PTPRT: variants seen among roughly 807,000 people sequenced by gnomAD.
PTPRT encodes the protein receptor-type tyrosine-protein phosphatase T.
Under a neutral mutation model 176.8 loss-of-function variants are expected in PTPRT, and 56 were observed. The observed-to-expected ratio is 0.32, with a 90% CI of 0.26 to 0.40. The LOEUF (loss-of-function observed/expected upper bound fraction) is 0.40. Among genes scored for constraint, PTPRT ranks in the 10% least tolerant of loss-of-function variants. The pLI, the probability that PTPRT is intolerant of heterozygous loss-of-function variation, is 1.00. For missense variants in PTPRT, 1,540 were observed against 1,908.2 expected (o/e 0.81, Z 3.60); for synonymous variants, 783 against 739.0 (o/e 1.06, Z -0.96).
intron 1 of PTPRT, among the ~76,000 whole-genome samples, chr20:42,999,769 G>A (rs984142416): frequency 6.6e-6 from 1 of 151,738 alleles, no homozygotes; most frequent in African/African-American, 2.4e-5. Flanking sequence ...ATTGAGCCAC[G>A]GCACTCCAAT....
intron 7 of PTPRT, among the ~76,000 whole-genome samples, chr20:42,573,745 C>CTTTTTTTTTTTTTTT (rs201228742): frequency 7.8e-5 from 9 of 115,458 alleles, no homozygotes; most frequent in African/African-American, 1.4e-4. Context: ...CCCTTTCTTT[C>CTTTTTTTTTTTTTTT]TTTCTTTTTT....
intron 9 of PTPRT, among the ~76,000 whole-genome samples, chr20:42,401,195 C>T (rs916563445): frequency 1.3e-5 from 2 of 151,856 alleles, no homozygotes; most frequent in African/African-American, 2.4e-5. Flanking sequence ...AAGTCTCTAT[C>T]GGGATGGACA....
At chr20:42,690,806 A>G (rs1207925863) in intron 6 of PTPRT, among the ~76,000 whole-genome samples, 1 of 152,228 alleles carries the variant, frequency 6.6e-6, no homozygotes, top group African/African-American at 2.4e-5. Flanking sequence ...TAAGCAAGTG[A>G]TATAACTCCC....
At chr20:42,357,032 T>C (rs1225827125) in intron 9 of PTPRT, among the ~76,000 whole-genome samples, 1 of 152,204 alleles carries the variant, frequency 6.6e-6, no homozygotes, top group East Asian at 1.9e-4. Flanking sequence ...CCCAGGTTCT[T>C]ATTTTACGTT....
chr20:43,187,646 T>C (rs1252414550), intron 1 of PTPRT, among the ~76,000 whole-genome samples: 1 of 152,168 alleles, frequency 6.6e-6, no homozygotes, highest in Non-Finnish European at 1.5e-5. Context: ...GGCACCCACT[T>C]GCTAAATATA....
At chr20:43,104,817 T>A (rs539303703) in intron 1 of PTPRT, among the ~76,000 whole-genome samples, 1 of 152,316 alleles carries the variant, frequency 6.6e-6, no homozygotes, top group East Asian at 1.9e-4. Context: ...CAACATAACA[T>A]CTACCTTGCA....
intron 1 of PTPRT, among the ~76,000 whole-genome samples, chr20:43,012,129 C>A (rs201704583): frequency 6.6e-6 from 1 of 152,152 alleles, no homozygotes; most frequent in Non-Finnish European, 1.5e-5. Flanking sequence ...CACCTTGTGA[C>A]CATGTGAGTC....
chr20:43,124,684 G>T (rs1047928086), intron 1 of PTPRT, among the ~76,000 whole-genome samples: 16 of 152,194 alleles, frequency 1.1e-4, no homozygotes, highest in East Asian at 3.8e-4. Flanking sequence ...GCTACTGAGT[G>T]CCTACTATGT....
chr20:42,109,208 G>A (rs550532931), intron 23 of PTPRT, among the ~76,000 whole-genome samples: 1 of 152,154 alleles, frequency 6.6e-6, no homozygotes, highest in Non-Finnish European at 1.5e-5. Flanking sequence ...CACAGCTTAT[G>A]GAGTCTTCCA....
intron 1 of PTPRT, among the ~76,000 whole-genome samples, chr20:43,099,283 G>T (rs2012295524): frequency 6.6e-6 from 1 of 152,160 alleles, no homozygotes; most frequent in African/African-American, 2.4e-5. Flanking sequence ...TCCACCATCT[G>T]CTTTGAATGT....
chr20:42,228,936 G>C (rs2056077141), intron 15 of PTPRT, among the ~76,000 whole-genome samples: 1 of 152,190 alleles, frequency 6.6e-6, no homozygotes, highest in Non-Finnish European at 1.5e-5. Context: ...AAAGATAAAT[G>C]CAACGACAAA....
At chr20:43,124,369 C>G (rs545598290) in intron 1 of PTPRT, among the ~76,000 whole-genome samples, 1 of 152,248 alleles carries the variant, frequency 6.6e-6, no homozygotes, top group Non-Finnish European at 1.5e-5. Flanking sequence ...AGACCCCAGT[C>G]AACTATAAAT....
chr20:42,411,219 C>A (rs1322641207), intron 9 of PTPRT, among the ~76,000 whole-genome samples: 1 of 151,932 alleles, frequency 6.6e-6, no homozygotes, highest in African/African-American at 2.4e-5. Context: ...CCGAGGCGGG[C>A]AGATCACTTG....
At chr20:42,485,838 A>C (rs2071455931) in intron 7 of PTPRT, among the ~76,000 whole-genome samples, 1 of 152,210 alleles carries the variant, frequency 6.6e-6, no homozygotes, top group South Asian at 2.1e-4. Flanking sequence ...TGAAATGTAC[A>C]AGAGTGTCAT....
intron 17 of PTPRT, among the ~76,000 whole-genome samples, chr20:42,155,381 C>T (rs370774665): frequency 5.3e-5 from 8 of 152,294 alleles, no homozygotes; most frequent in South Asian, 2.1e-4. Context: ...ACCATGGAAG[C>T]GGCAGCCCCA....
intron 2 of PTPRT, among the ~76,000 whole-genome samples, chr20:42,811,458 GA>G (rs1243391916): frequency 1.3e-5 from 2 of 152,036 alleles, no homozygotes; most frequent in Non-Finnish European, 2.9e-5. Flanking sequence ...AAAATTGAAA[GA>G]AAACTAGCCT....
intron 9 of PTPRT, among the ~76,000 whole-genome samples, chr20:42,387,735 C>T (rs180822493): frequency 4.6e-5 from 7 of 151,538 alleles, no homozygotes; most frequent in African/African-American, 1.7e-4. Context: ...GTTGTCACAA[C>T]TTGTGTATGT....
intron 10 of PTPRT, among the ~76,000 whole-genome samples, chr20:42,351,073 A>C (rs2058276412): frequency 6.6e-6 from 1 of 151,998 alleles, no homozygotes; most frequent in Non-Finnish European, 1.5e-5. Flanking sequence ...AACACATTTA[A>C]AATGCAAATT....
intron 25 of PTPRT, 80 bp from the exon 26 acceptor site, chr20:42,102,377 A>G (rs1986028017): frequency 6.8e-7 from 1 of 1,468,632 alleles, no homozygotes; most frequent in East Asian, 2.3e-5. Context: ...GTTCCAACTC[A>G]GCCTAACTCG....
Sources: allele counts gnomAD v4.1 joint callset (sites outside exome capture counted in the v4.1 genomes callset), GRCh38; gene constraint gnomAD v4.1.1; transcripts MANE v1.5; gene names NCBI Gene and HGNC (gene_info 2026-07-23, HGNC 2026-07-21).